The following ADD2 variants were observed in gnomAD, a reference collection of about 807,000 sequenced individuals.
ADD2 encodes beta-adducin.
A neutral mutation model predicts 83.0 loss-of-function variants in ADD2; 23 were observed. That is an observed-to-expected ratio of 0.28 (90% CI 0.20 to 0.39). The LOEUF (loss-of-function observed/expected upper bound fraction) is 0.39, where lower values mean the gene tolerates loss of function less well. ADD2 is among the 10% of genes least tolerant of loss of function. ADD2 has a pLI of 1.00. For missense variants in ADD2, 758 were observed against 944.9 expected (o/e 0.80, Z 2.59); for synonymous variants, 375 against 375.4 (o/e 1.00, Z 0.01).
Position 70,661,821 on chromosome 2 carries a change from TG to T in ADD2, c.*1603del, listed in dbSNP as rs1675545950. On this transcript the variant is annotated 3_prime_UTR_variant, in exon 16 of 16. Coordinates refer to ENST00000264436, the MANE Select transcript of ADD2 (RefSeq NM_001617.4). ...ATTAAAGTTGTCTGTTCACCATAGC[TG>T]TTAAGAGCAAGGGCTCTGGACTCAG... 6.6e-6 allele frequency: 1 copy of T among 152,254 alleles called. No homozygotes were observed. 9.4% of individuals were successfully genotyped at this position (152,254 alleles called of 1,614,324 possible). A position where few individuals can be genotyped will look rare whatever the true frequency, so the allele number is the denominator to read the frequency against.
intron 10 of ADD2, among the ~76,000 whole-genome samples, chr2:70,682,665 T>A: frequency 6.6e-6 from 1 of 152,262 alleles, no homozygotes; most frequent in Non-Finnish European, 1.5e-5. Flanking sequence ...CCTCATTGCA[T>A]ATGCTTTCCT....
chr2:70,716,190 A>G (rs1672458118), intron 1 of ADD2, among the ~76,000 whole-genome samples: 1 of 152,080 alleles, frequency 6.6e-6, no homozygotes, highest in Admixed American at 6.5e-5. Context: ...ATCCAAGCCC[A>G]TCGATGCCCA....
At chr2:70,725,730 T>G (rs564504970) in intron 1 of ADD2, among the ~76,000 whole-genome samples, 2 of 152,162 alleles carry the variant, frequency 1.3e-5, no homozygotes, top group South Asian at 4.2e-4. Flanking sequence ...ACCGACACCA[T>G]GAGTTTGGAC....
intron 1 of ADD2, among the ~76,000 whole-genome samples, chr2:70,756,123 G>A (rs1383333834): frequency 6.6e-6 from 1 of 150,422 alleles, no homozygotes; most frequent in African/African-American, 2.4e-5. Context: ...CTGAACACAA[G>A]CACAAATTGC....
intron 9 of ADD2, among the ~76,000 whole-genome samples, chr2:70,686,258 G>A (rs114780550): frequency 1.0e-3 from 159 of 152,196 alleles, no homozygotes; most frequent in African/African-American, 3.4e-3. Context: ...CTCTATTCCC[G>A]TCTCTAGAAG....
intron 1 of ADD2, among the ~76,000 whole-genome samples, chr2:70,714,579 T>G (rs1465651499): frequency 6.6e-6 from 1 of 152,238 alleles, no homozygotes; most frequent in African/African-American, 2.4e-5. Context: ...AGGTTGCTTC[T>G]AAGAATGAGA....
intron 1 of ADD2, among the ~76,000 whole-genome samples, chr2:70,740,740 C>A (rs1236964671): frequency 6.6e-6 from 1 of 152,068 alleles, no homozygotes; most frequent in African/African-American, 2.4e-5. Context: ...CACTCTGTTA[C>A]CCAGGCTGGA....
intron 1 of ADD2, among the ~76,000 whole-genome samples, chr2:70,747,647 A>G (rs547627355): frequency 1.3e-5 from 2 of 152,186 alleles, no homozygotes; most frequent in Non-Finnish European, 2.9e-5. Context: ...CTTTCCCATC[A>G]TGCCACAGCA....
Position 70,688,106 on chromosome 2 carries a change from T to C in ADD2, c.866A>G (p.Asn289Ser). 6.2e-7 allele frequency: 1 copy of C among 1,614,060 alleles called. No individual in the cohort carries two copies. The highest frequency in any genetic ancestry group is 8.5e-7 in the Non-Finnish European group (1 of 1,179,900). Residue 289 changes from asparagine (N) to serine (S), a missense_variant, in exon 9 of 16, where the codon AAC becomes AGC. Physicochemically the swap from Asn to Ser is conservative, Grantham distance 46 (BLOSUM62 1). This residue lies in a region of ADD2 where 394 missense variants were observed against 509.3 expected (regional missense o/e 0.77). Coordinates refer to ENST00000264436, the MANE Select transcript of ADD2 (RefSeq NM_001617.4). ...GPTCKILVLR[N>S]HGVVALGDTV... Reference sequence around the variant, plus strand: ...GTCACCCAGAGCAACCACTCCATGGTTTCTTAGCACCAGGATCTGTAGAGA... The same window carrying C: ...GTCACCCAGAGCAACCACTCCATGGCTTCTTAGCACCAGGATCTGTAGAGA...
chr2:70,700,185 T>A (rs1553373337), intron 4 of ADD2, among the ~76,000 whole-genome samples: 3 of 152,188 alleles, frequency 2.0e-5, no homozygotes, highest in Non-Finnish European at 2.9e-5. Flanking sequence ...TTATCATTTT[T>A]AAATGATATT....
chr2:70,743,718 A>C (rs1553381493), intron 1 of ADD2, among the ~76,000 whole-genome samples: 1 of 152,232 alleles, frequency 6.6e-6, no homozygotes, highest in African/African-American at 2.4e-5. Flanking sequence ...TCTTGTAAGG[A>C]AAAACAAGAG....
chr2:70,691,205 G>C (rs1355554186), intron 7 of ADD2, among the ~76,000 whole-genome samples: 1 of 152,140 alleles, frequency 6.6e-6, no homozygotes, highest in East Asian at 1.9e-4. Flanking sequence ...GCACTCCAGA[G>C]ACCTATTGCT....
rs1468199512 is a variant in ADD2, at chr2:70,658,551, T to A, written c.*4874A>T. ...ATAGGCTGCCTCACTGGCTTTTAGA[T>A]TGTAGGGTGCCCTGTCCTTTCTGTG... On this transcript the variant is annotated 3_prime_UTR_variant, in exon 16 of 16. Coordinates refer to ENST00000264436, the MANE Select transcript of ADD2 (RefSeq NM_001617.4). 1 of 152,186 alleles carries A rather than the reference T, an allele frequency of 6.6e-6. No homozygotes were observed. The highest frequency in any genetic ancestry group is 1.5e-5 in the Non-Finnish European group (1 of 68,030). 9.4% of individuals were successfully genotyped at this position (152,186 alleles called of 1,614,324 possible).
chr2:70,662,855 C>T lies in ADD2; in HGVS notation c.*570G>A, dbSNP rs1466075929. The T allele has an allele frequency of 6.5e-6, 1 of 153,740 alleles. No homozygotes were observed. Among genetic ancestry groups the T allele is most frequent in the Non-Finnish European group, 1.4e-5 (1 of 69,222 alleles). 9.5% of individuals were successfully genotyped at this position (153,740 alleles called of 1,614,324 possible). A position where few individuals can be genotyped will look rare whatever the true frequency, so the allele number is the denominator to read the frequency against. ...ATGTTTGGGGTAGTACAAGCTAAGCCATCAGCCCTTGGGAACAAAGATTAC... is the reference window on the plus strand; with the variant it reads ...ATGTTTGGGGTAGTACAAGCTAAGCTATCAGCCCTTGGGAACAAAGATTAC... On this transcript the variant is annotated 3_prime_UTR_variant, in exon 16 of 16. Transcript: ENST00000264436.
At chr2:70,733,408 G>A (rs183754718) in intron 1 of ADD2, among the ~76,000 whole-genome samples, 54 of 152,304 alleles carry the variant, frequency 3.5e-4, no homozygotes, top group African/African-American at 1.1e-3. Flanking sequence ...GTTTTTAGAG[G>A]AAGTTTTCTG....
At chr2:70,719,937 G>A (rs1261564571) in intron 1 of ADD2, among the ~76,000 whole-genome samples, 1 of 152,098 alleles carries the variant, frequency 6.6e-6, no homozygotes, top group Non-Finnish European at 1.5e-5. Flanking sequence ...GGATTGTCTT[G>A]TCCCCATCCC....
intron 1 of ADD2, among the ~76,000 whole-genome samples, chr2:70,743,562 T>A (rs1024271665): frequency 2.6e-5 from 4 of 152,216 alleles, no homozygotes; most frequent in African/African-American, 9.6e-5. Context: ...AAATGCTCTT[T>A]CTTCTCAACA....
At chr2:70,765,934 A>C (rs1675358594) in intron 1 of ADD2, among the ~76,000 whole-genome samples, 1 of 152,196 alleles carries the variant, frequency 6.6e-6, no homozygotes, top group Non-Finnish European at 1.5e-5. Flanking sequence ...AAATATATCT[A>C]CTAGTCTTTT....
chr2:70,731,835 T>A (rs567294504), intron 1 of ADD2, among the ~76,000 whole-genome samples: 1 of 152,218 alleles, frequency 6.6e-6, no homozygotes, highest in Non-Finnish European at 1.5e-5. Flanking sequence ...GGCCAGCCCA[T>A]ATGTGTCATG....
Sources: gnomAD v4.1 joint callset for allele counts (sites outside exome capture counted in the v4.1 genomes callset) on GRCh38, gnomAD v4.1.1 for gene constraint, gnomAD v4.1.1 regional missense constraint, MANE v1.5 for transcripts, NCBI Gene and HGNC (gene_info 2026-07-23, HGNC 2026-07-21) for gene names.